TSPAN15: variants seen among roughly 807,000 people sequenced by gnomAD.
TSPAN15 encodes tetraspanin-15.
Under a neutral mutation model 34.5 loss-of-function variants are expected in TSPAN15, and 20 were observed. The observed-to-expected ratio is 0.58, with a 90% CI of 0.41 to 0.84. The LOEUF (loss-of-function observed/expected upper bound fraction) is 0.84. Among genes scored for constraint, TSPAN15 ranks in the 40% least tolerant of loss-of-function variants. TSPAN15 has a pLI of 0.00. For missense variants in TSPAN15, 313 were observed against 386.1 expected, an observed-to-expected ratio of 0.81 and a Z score of 1.59; for synonymous variants, 155 against 153.9, an observed-to-expected ratio of 1.01 and a Z score of -0.05.
chr10:69,538,098 C>A, the TSPAN15 span, among the ~76,000 whole-genome samples: 6 of 152,300 alleles, frequency 3.9e-5, no homozygotes, highest in African/African-American at 1.2e-4. Flanking sequence ...AGGACCCCAC[C>A]TTCATGACCT....
At chr10:69,458,504 A>G (rs1464816959) in intron 1 of TSPAN15, among the ~76,000 whole-genome samples, 1 of 152,182 alleles carries the variant, frequency 6.6e-6, no homozygotes, top group African/African-American at 2.4e-5. Flanking sequence ...AGCAAAGTTC[A>G]TTTTCTGGCT....
At chr10:69,503,581 C>CA (rs1842254399) in intron 5 of TSPAN15, among the ~76,000 whole-genome samples, 1 of 152,160 alleles carries the variant, frequency 6.6e-6, no homozygotes, top group Admixed American at 6.5e-5. Context: ...AGATCTGGAC[C>CA]CAGGAAATGT....
intron 1 of TSPAN15, among the ~76,000 whole-genome samples, chr10:69,454,379 G>A (rs566774701): frequency 3.3e-5 from 5 of 152,212 alleles, no homozygotes; most frequent in South Asian, 2.1e-4. Flanking sequence ...TTAGCCAGGC[G>A]TGGTGGTGTG....
At chr10:69,494,070 G>T (rs1383341560) in intron 3 of TSPAN15, among the ~76,000 whole-genome samples, 1 of 152,160 alleles carries the variant, frequency 6.6e-6, no homozygotes, top group South Asian at 2.1e-4. Flanking sequence ...AGTGTGTCAG[G>T]CTGGGAGTTT....
At chr10:69,538,790 T>G in the TSPAN15 span, among the ~76,000 whole-genome samples, 1 of 152,194 alleles carries the variant, frequency 6.6e-6, no homozygotes, top group African/African-American at 2.4e-5. Flanking sequence ...CATGCACGTG[T>G]AGACGCCCCA....
At chr10:69,518,176 T>C in the TSPAN15 span, among the ~76,000 whole-genome samples, 1 of 152,236 alleles carries the variant, frequency 6.6e-6, no homozygotes, top group Non-Finnish European at 1.5e-5. Context: ...TCAATTTGCA[T>C]TGAACGCAAT....
intron 3 of TSPAN15, 87 bp from the exon 4 acceptor site, chr10:69,495,506 TC>T: frequency 1.0e-6 from 1 of 966,062 alleles, no homozygotes; most frequent in South Asian, 1.4e-5. Flanking sequence ...CACAAGGCAT[TC>T]TCTACCCATC....
the TSPAN15 span, among the ~76,000 whole-genome samples, chr10:69,545,248 G>A: frequency 6.8e-3 from 1,037 of 152,288 alleles, 16 homozygotes; most frequent in African/African-American, 0.023. Flanking sequence ...TAGAGGGCAT[G>A]GCTCAGGTTA....
the TSPAN15 span, among the ~76,000 whole-genome samples, chr10:69,548,150 G>A: frequency 6.6e-6 from 1 of 152,068 alleles, no homozygotes; most frequent in Non-Finnish European, 1.5e-5. Context: ...TAATCAGAAA[G>A]GGGGGAAAGG....
chr10:69,498,263 C>G lies in TSPAN15; in HGVS notation c.454-17C>G. The G allele has an allele frequency of 6.2e-7, 1 of 1,612,230 alleles. No individual in the cohort carries two copies. Among genetic ancestry groups the G allele is most frequent in the Non-Finnish European group, 8.5e-7 (1 of 1,178,382 alleles). ...GGGCGATGACGGCAGCTCCTCTTTC[C>G]TGCTTGCTTCCCTCAGTTCAAGTGC... On this transcript the variant is annotated splice_polypyrimidine_tract_variant and intron_variant, in intron 4 of 7. Coordinates refer to ENST00000373290, the MANE Select transcript of TSPAN15 (RefSeq NM_012339.5).
At chr10:69,502,211 C>T (rs1842225209) in intron 5 of TSPAN15, among the ~76,000 whole-genome samples, 1 of 152,176 alleles carries the variant, frequency 6.6e-6, no homozygotes, top group South Asian at 2.1e-4. Flanking sequence ...ATATGAGCTT[C>T]CAATAGAGGA....
At chr10:69,539,358 T>A in the TSPAN15 span, among the ~76,000 whole-genome samples, 1 of 130,440 alleles carries the variant, frequency 7.7e-6, no homozygotes, top group African/African-American at 2.8e-5. Flanking sequence ...AAGAACTCAT[T>A]CATGTAACAA....
intron 1 of TSPAN15, among the ~76,000 whole-genome samples, chr10:69,468,505 T>A (rs1423047620): frequency 1.3e-5 from 2 of 151,542 alleles, no homozygotes; most frequent in Admixed American, 6.6e-5. Flanking sequence ...CAAGCTGCGA[T>A]AGAGGAAATG....
At chr10:69,476,609 T>A (rs184120504) in intron 1 of TSPAN15, among the ~76,000 whole-genome samples, 2 of 151,066 alleles carry the variant, frequency 1.3e-5, no homozygotes, top group Non-Finnish European at 2.9e-5. Flanking sequence ...TGTCAGAGAA[T>A]GTCAGGGACT....
chr10:69,525,485 A>T, the TSPAN15 span, among the ~76,000 whole-genome samples: 2 of 31,398 alleles, frequency 6.4e-5, no homozygotes, highest in Non-Finnish European at 1.3e-4. Flanking sequence ...TCATCTCTTA[A>T]AAAAAAAAAA....
chr10:69,549,164 T>C, the TSPAN15 span, among the ~76,000 whole-genome samples: 1 of 152,160 alleles, frequency 6.6e-6, no homozygotes, highest in Non-Finnish European at 1.5e-5. Flanking sequence ...TAGATGTGGA[T>C]GCTAAAGCAA....
the TSPAN15 span, among the ~76,000 whole-genome samples, chr10:69,538,110 A>G: frequency 1.3e-5 from 2 of 152,132 alleles, no homozygotes; most frequent in African/African-American, 4.8e-5. Context: ...TCATGACCTC[A>G]TCTAAACCTA....
intron 3 of TSPAN15, among the ~76,000 whole-genome samples, chr10:69,491,880 C>A (rs548409920): frequency 6.6e-6 from 1 of 152,220 alleles, no homozygotes; most frequent in South Asian, 2.1e-4. Flanking sequence ...ACCCCTCTGT[C>A]CTCTGTGTTG....
At position 69,483,827 on chromosome 10, in the gene TSPAN15, T is replaced by C; in HGVS notation, c.233T>C (p.Phe78Ser). The C allele has an allele frequency of 6.2e-7, 1 of 1,614,100 alleles. No homozygotes were observed. The highest frequency in any genetic ancestry group is 2.2e-5 in the East Asian group (1 of 44,846). ...LLGVVMFMVSFIGVLASLRDN... is the reference protein window; with the variant it reads ...LLGVVMFMVSSIGVLASLRDN... ...GGCGTCGTCATGTTCATGGTCTCCTTCATTGGTGTGCTGGCGTCCCTCCGT... is the reference window on the plus strand; with the variant it reads ...GGCGTCGTCATGTTCATGGTCTCCTCCATTGGTGTGCTGGCGTCCCTCCGT... The change falls in exon 2 of 8, where the codon TTC becomes TCC. Residue 78 changes from phenylalanine (F) to serine (S), a missense_variant. Transcript: ENST00000373290.
Sources: gnomAD v4.1 joint callset for allele counts (sites outside exome capture counted in the v4.1 genomes callset) on GRCh38, gnomAD v4.1.1 for gene constraint, MANE v1.5 for transcripts, NCBI Gene and HGNC (gene_info 2026-07-23, HGNC 2026-07-21) for gene names.